The following CAMK4 variants were observed in gnomAD, a reference collection of about 807,000 sequenced individuals.
CAMK4 encodes the protein calcium/calmodulin-dependent protein kinase type IV.
Under a neutral mutation model 44.9 loss-of-function variants are expected in CAMK4, and 22 were observed. The observed-to-expected ratio is 0.49, with a 90% CI of 0.35 to 0.70. The LOEUF is 0.70. Among genes scored for constraint, CAMK4 ranks in the 30% least tolerant of loss-of-function variants. CAMK4 has a pLI of 0.01. For synonymous variants in CAMK4, 218 were observed against 215.4 expected (o/e 1.01, Z -0.11); for missense variants, 498 against 586.8 (o/e 0.85, Z 1.56).
In CAMK4 at chr5:111,485,498, A is replaced by T. The variant is rs1486764768; in HGVS notation, c.*1032A>T. ...GATTATTCATTATTGACTTTAATAG[A>T]GTAAGAAAACATTATTGTTTATCAA... On this transcript the variant is annotated 3_prime_UTR_variant, in exon 11 of 11. Coordinates refer to ENST00000282356, the MANE Select transcript of CAMK4 (RefSeq NM_001744.6). 1 of 152,188 alleles carries T rather than the reference A, an allele frequency of 6.6e-6. No homozygotes were observed. Among genetic ancestry groups the T allele is most frequent in the African/African-American group, 2.4e-5 (1 of 41,474 alleles). The allele number at this position is 152,188 out of a possible 1,614,324, so 9.4% of individuals were successfully genotyped here.
intron 2 of CAMK4, chr5:111,365,269 G>A (rs144737217): frequency 6.6e-6 from 1 of 152,274 alleles, no homozygotes; most frequent in Non-Finnish European, 1.5e-5. Flanking sequence ...TTAAAGATAG[G>A]TAGTAGAAAT....
chr5:111,337,234 A>G (rs1055690456), intron 1 of CAMK4, among the ~76,000 whole-genome samples: 43 of 151,226 alleles, frequency 2.8e-4, no homozygotes, highest in Non-Finnish European at 5.3e-4. Context: ...ATGTATCACA[A>G]ATTGTTAATC....
At chr5:111,350,186 T>G (rs546673263) in intron 2 of CAMK4, among the ~76,000 whole-genome samples, 1 of 152,062 alleles carries the variant, frequency 6.6e-6, no homozygotes, top group Admixed American at 6.6e-5. Context: ...CAGAGTGTTC[T>G]ACTAAAGATT....
At chr5:111,247,808 T>A (rs925649381) in intron 1 of CAMK4, among the ~76,000 whole-genome samples, 1 of 152,174 alleles carries the variant, frequency 6.6e-6, no homozygotes, top group Non-Finnish European at 1.5e-5. Flanking sequence ...TCAAGACTAG[T>A]GTTTTAATTG....
intron 2 of CAMK4, among the ~76,000 whole-genome samples, chr5:111,357,084 T>C (rs1376977903): frequency 6.6e-6 from 1 of 152,218 alleles, no homozygotes; most frequent in Non-Finnish European, 1.5e-5. Flanking sequence ...AGTACTTTTA[T>C]AAGCATTGGG....
chr5:111,349,615 A>T (rs1750009265), intron 2 of CAMK4, among the ~76,000 whole-genome samples: 1 of 151,998 alleles, frequency 6.6e-6, no homozygotes, highest in African/African-American at 2.4e-5. Context: ...GTTAAATAGA[A>T]TGCCAGCTTT....
chr5:111,318,844 A>T (rs577247439), intron 1 of CAMK4, among the ~76,000 whole-genome samples: 1 of 152,206 alleles, frequency 6.6e-6, no homozygotes, highest in East Asian at 1.9e-4. Context: ...GTATAATTTT[A>T]TCAGTCTTAT....
At chr5:111,243,132 T>G (rs1749080275) in intron 1 of CAMK4, among the ~76,000 whole-genome samples, 1 of 152,090 alleles carries the variant, frequency 6.6e-6, no homozygotes, top group African/African-American at 2.4e-5. Flanking sequence ...TCAGGACCAT[T>G]GAATAGGGAC....
intron 1 of CAMK4, among the ~76,000 whole-genome samples, chr5:111,330,937 G>T (rs1250623507): frequency 6.6e-6 from 1 of 151,602 alleles, no homozygotes; most frequent in Non-Finnish European, 1.5e-5. Flanking sequence ...AATATACCTT[G>T]ATACATGCCT....
intron 5 of CAMK4, among the ~76,000 whole-genome samples, chr5:111,427,073 A>G (rs1753253544): frequency 6.6e-6 from 1 of 151,990 alleles, no homozygotes; most frequent in Non-Finnish European, 1.5e-5. Context: ...CAGGCTTACA[A>G]CTCCAAAAGA....
intron 5 of CAMK4, among the ~76,000 whole-genome samples, chr5:111,430,353 A>G (rs1321341656): frequency 6.6e-6 from 1 of 152,196 alleles, no homozygotes; most frequent in Non-Finnish European, 1.5e-5. Flanking sequence ...CACAGCTAGT[A>G]TTATACTGAG....
intron 5 of CAMK4, among the ~76,000 whole-genome samples, chr5:111,409,011 C>T (rs959922659): frequency 1.2e-4 from 18 of 152,270 alleles, no homozygotes; most frequent in African/African-American, 4.3e-4. Flanking sequence ...CTTTCATGGG[C>T]TGGTGTTGAG....
intron 1 of CAMK4, among the ~76,000 whole-genome samples, chr5:111,258,806 G>T (rs568602381): frequency 1.3e-5 from 2 of 150,316 alleles, no homozygotes; most frequent in African/African-American, 2.5e-5. Flanking sequence ...TGTTGGTCTT[G>T]TGTTATATGA....
intron 2 of CAMK4, among the ~76,000 whole-genome samples, chr5:111,368,739 T>C (rs547784491): frequency 6.6e-6 from 1 of 152,250 alleles, no homozygotes; most frequent in East Asian, 1.9e-4. Flanking sequence ...GTTTTGTTGC[T>C]TAGTTTACTC....
At chr5:111,238,067 T>G (rs1487058760) in intron 1 of CAMK4, among the ~76,000 whole-genome samples, 1 of 148,256 alleles carries the variant, frequency 6.7e-6, no homozygotes, top group African/African-American at 2.6e-5. Context: ...AAGGAAACTG[T>G]GGGTGGGAAG....
At chr5:111,402,955 A>C (rs1561465190) in intron 5 of CAMK4, among the ~76,000 whole-genome samples, 1 of 152,178 alleles carries the variant, frequency 6.6e-6, no homozygotes, top group Admixed American at 6.5e-5. Flanking sequence ...TTCGGTTTTA[A>C]ATTATATGCC....
At chr5:111,308,695 C>G (rs1366228212) in intron 1 of CAMK4, among the ~76,000 whole-genome samples, 1 of 152,146 alleles carries the variant, frequency 6.6e-6, no homozygotes, top group Admixed American at 6.5e-5. Context: ...ATGTAAAATT[C>G]TCCTAGAATC....
At chr5:111,273,259 A>G (rs1234291290) in intron 1 of CAMK4, among the ~76,000 whole-genome samples, 1 of 152,194 alleles carries the variant, frequency 6.6e-6, no homozygotes, top group African/African-American at 2.4e-5. Flanking sequence ...TTTAGATATA[A>G]ATGCATAAAT....
intron 5 of CAMK4, among the ~76,000 whole-genome samples, chr5:111,395,313 A>T (rs1751965547): frequency 6.6e-6 from 1 of 151,988 alleles, no homozygotes; most frequent in Admixed American, 6.5e-5. Flanking sequence ...AAAGTCTGAA[A>T]GATGCAATCC....
Sources: gnomAD v4.1 joint callset for allele counts (sites outside exome capture counted in the v4.1 genomes callset) on GRCh38, gnomAD v4.1.1 for gene constraint, MANE v1.5 for transcripts, NCBI Gene and HGNC (gene_info 2026-07-23, HGNC 2026-07-21) for gene names.